Variants in AGO3 observed in about 807,000 individuals in gnomAD.
AGO3 encodes the protein argonaute RISC catalytic component 3.
A neutral mutation model predicts 105.5 loss-of-function variants in AGO3; 16 were observed. The ratio of observed to expected loss-of-function variants is 0.15; its 90% CI spans 0.10 to 0.23. AGO3 has a LOEUF of 0.23. Among genes scored for constraint, AGO3 ranks in the 10% least tolerant of loss-of-function variants. The pLI is 1.00. For missense variants in AGO3, 534 were observed against 1,088.0 expected (o/e 0.49, Z 7.16); for synonymous variants, 340 against 367.3 (o/e 0.93, Z 0.85).
chr1:36,055,906 G>A lies in AGO3; in HGVS notation c.*161G>A. The A allele has an allele frequency of 1.6e-6, 1 of 608,552 alleles. No homozygotes were observed. Among genetic ancestry groups the A allele is most frequent in the East Asian group, 2.8e-5 (1 of 35,182 alleles). 37.7% of individuals were successfully genotyped at this position (608,552 alleles called of 1,614,324 possible). On this transcript the variant is annotated 3_prime_UTR_variant, in exon 19 of 19. Transcript: ENST00000373191. This position sits in a 1 kb window ranked among gnomAD's most constrained non-coding sequence, Gnocchi z 4.4. The stretch of plus-strand genomic sequence containing the variant: ...TCCTTATGTTAATACAAGGAAGATT[G>A]TTTACTTCATCAAGGAACACAGCAT...
chr1:35,995,879 T>C (rs975821204), intron 5 of AGO3, among the ~76,000 whole-genome samples: 1 of 152,158 alleles, frequency 6.6e-6, no homozygotes, highest in South Asian at 2.1e-4. Context: ...GGTTTTACCA[T>C]GTTGGCCAGG....
intron 5 of AGO3, among the ~76,000 whole-genome samples, chr1:35,999,248 G>A (rs528457880): frequency 1.3e-5 from 2 of 152,224 alleles, no homozygotes; most frequent in African/African-American, 4.8e-5. Context: ...GCTGAGGCAG[G>A]AGAATAGTTT....
rs1643115887 is a variant in AGO3, at chr1:36,067,957, A to G, written c.*12212A>G. Reference sequence around the variant, plus strand: ...TGCCACAAGCTATAGCTTGATTAATATTTTAGCATGTTTTCCATGTTTGTA... The same window carrying G: ...TGCCACAAGCTATAGCTTGATTAATGTTTTAGCATGTTTTCCATGTTTGTA... On this transcript the variant is annotated 3_prime_UTR_variant, in exon 19 of 19. Coordinates refer to ENST00000373191, the MANE Select transcript of AGO3 (RefSeq NM_024852.4). 6.6e-6 allele frequency: 1 copy of G among 152,216 alleles called. No individual in the cohort carries two copies. The highest frequency in any genetic ancestry group is 2.1e-4 in the South Asian group (1 of 4,834). The allele number at this position is 152,216 out of a possible 1,614,324, so 9.4% of individuals were successfully genotyped here.
chr1:36,049,259 C>A (rs1642601173), intron 17 of AGO3, among the ~76,000 whole-genome samples: 1 of 152,140 alleles, frequency 6.6e-6, no homozygotes, highest in Non-Finnish European at 1.5e-5. Flanking sequence ...GTGGCTCACG[C>A]CTGTAATCCC....
At chr1:35,979,662 A>G (rs937842221) in intron 5 of AGO3, among the ~76,000 whole-genome samples, 1 of 151,996 alleles carries the variant, frequency 6.6e-6, no homozygotes, top group Non-Finnish European at 1.5e-5. Flanking sequence ...GAATGTTGCT[A>G]CTGTATTAGG....
intron 1 of AGO3, 113 bp downstream of exon 1, chr1:35,931,558 G>A (rs1646048312): frequency 8.7e-7 from 1 of 1,149,854 alleles, no homozygotes; most frequent in Non-Finnish European, 1.1e-6. Flanking sequence ...GGCGGGCATC[G>A]CTCGGTCTCC....
chr1:36,054,353 G>A lies in AGO3; in HGVS notation c.2275-593G>A, dbSNP rs544252779. Among the ~76,000 whole-genome samples, 4 of 151,972 alleles carry A rather than the reference G, an allele frequency of 2.6e-5. No homozygotes were observed. The South Asian group carries it at 6.2e-4, about 24-fold the overall frequency. ...AATGATGGGATCATAGTTCACTGCA[G>A]CCTTGACCTCCTGGGCTCAAGTGAT... On this transcript the variant is annotated intron_variant, in intron 17 of 18. Transcript: ENST00000373191.
At chr1:35,969,221 G>A (rs1024950657) in intron 3 of AGO3, among the ~76,000 whole-genome samples, 4 of 151,914 alleles carry the variant, frequency 2.6e-5, no homozygotes, top group African/African-American at 9.7e-5. Flanking sequence ...ATTAACTTCT[G>A]TATTCTGGAT....
rs192594583 is a variant in AGO3, at chr1:36,029,944, C to T, written c.1591+2646C>T. Among the ~76,000 whole-genome samples the T allele has an allele frequency of 7.9e-5, 12 of 152,058 alleles. No homozygotes were observed. The South Asian group carries it at 1.7e-3, about 21-fold the overall frequency. On this transcript the variant is annotated intron_variant, in intron 12 of 18. Coordinates refer to ENST00000373191, the MANE Select transcript of AGO3 (RefSeq NM_024852.4). ...CTGACCTCAGGTGATCTGCCCACCCCAGCCTCCCAAAGTGCTGGGATTACA... is the reference window on the plus strand; with the variant it reads ...CTGACCTCAGGTGATCTGCCCACCCTAGCCTCCCAAAGTGCTGGGATTACA...
chr1:35,984,269 A>T (rs1647119164), intron 5 of AGO3, among the ~76,000 whole-genome samples: 1 of 152,190 alleles, frequency 6.6e-6, no homozygotes, highest in South Asian at 2.1e-4. Context: ...CAGGAGTTGC[A>T]GGCTGCAGTG....
In AGO3 at chr1:36,027,813, AG is replaced by A. The variant is rs1299481583; in HGVS notation, c.1591+517del. ...AAAAAAGGGTTTCAGTAGTGAAAAG[AG>A]GCATTACATAACAATGGCTAAAGAA... On this transcript the variant is annotated intron_variant, in intron 12 of 18. Transcript: ENST00000373191. This position sits in a 1 kb window ranked among gnomAD's most constrained non-coding sequence, Gnocchi z 4.0. Among the ~76,000 whole-genome samples, 1 of 152,060 alleles carries A rather than the reference AG, an allele frequency of 6.6e-6. No individual in the cohort carries two copies. The highest frequency in any genetic ancestry group is 1.5e-5 in the Non-Finnish European group (1 of 68,002).
Position 36,043,508 on chromosome 1 carries a change from A to C in AGO3, c.2234A>C (p.Tyr745Ser). 1 of 1,613,864 alleles carries C rather than the reference A, an allele frequency of 6.2e-7. No individual in the cohort carries two copies. The highest frequency in any genetic ancestry group is 1.1e-5 in the South Asian group (1 of 91,018). The change falls in exon 17 of 19, where the codon TAT becomes TCT. Residue 745 changes from tyrosine (Y) to serine (S), a missense_variant. Physicochemically the swap from Tyr to Ser is moderately radical, Grantham distance 144. Transcript: ENST00000373191. ...TTVDTDITHP[Y>S]EFDFYLCSHA... ...GTTGATACAGACATTACACACCCATATGAGTTCGATTTTTACCTCTGTAGC... is the reference window on the plus strand; with the variant it reads ...GTTGATACAGACATTACACACCCATCTGAGTTCGATTTTTACCTCTGTAGC...
At chr1:36,030,620 G>T (rs1641731246) in intron 12 of AGO3, among the ~76,000 whole-genome samples, 2 of 152,052 alleles carry the variant, frequency 1.3e-5, no homozygotes, top group Non-Finnish European at 2.9e-5. Context: ...TGAGTATGCA[G>T]TGTATTAATA....
At chr1:36,024,730 C>T (rs1004507752) in intron 11 of AGO3, among the ~76,000 whole-genome samples, 5 of 152,106 alleles carry the variant, frequency 3.3e-5, no homozygotes, top group African/African-American at 1.2e-4. Flanking sequence ...GTCATCCAGG[C>T]TGGAGTGCAA....
intron 2 of AGO3, among the ~76,000 whole-genome samples, chr1:35,947,850 A>G (rs1646395901): frequency 6.6e-6 from 1 of 152,138 alleles, no homozygotes; most frequent in Non-Finnish European, 1.5e-5. Context: ...TCATTAATGT[A>G]TAGATTTGAG....
chr1:36,006,463 G>A (rs1404586440), intron 6 of AGO3, among the ~76,000 whole-genome samples: 1 of 151,900 alleles, frequency 6.6e-6, no homozygotes, highest in East Asian at 1.9e-4. Flanking sequence ...AAGCTTTATA[G>A]GCTTGGAGAA....
chr1:35,931,110 G>C lies in AGO3; in HGVS notation c.-317G>C, dbSNP rs1389297996. 5.1e-6 allele frequency: 2 copies of C among 394,162 alleles called. No individual in the cohort carries two copies. Among genetic ancestry groups the C allele is most frequent in the African/African-American group, 2.1e-5 (1 of 48,430 alleles). The allele number at this position is 394,162 out of a possible 1,614,324, so 24.4% of individuals were successfully genotyped here. ...CTTCCGGGGCGGCCCCGGGCAGGTCGGCGGCGGCGGCCCGCAGTCGTGGAG... is the reference window on the plus strand; with the variant it reads ...CTTCCGGGGCGGCCCCGGGCAGGTCCGCGGCGGCGGCCCGCAGTCGTGGAG... On this transcript the variant is annotated 5_prime_UTR_variant, in exon 1 of 19. Transcript: ENST00000373191.
At chr1:36,036,655 A>T (rs1642022011) in intron 14 of AGO3, among the ~76,000 whole-genome samples, 1 of 152,162 alleles carries the variant, frequency 6.6e-6, no homozygotes, top group African/African-American at 2.4e-5. Context: ...TCCCACCTTC[A>T]TCCAGGTCAA....
intron 17 of AGO3, among the ~76,000 whole-genome samples, chr1:36,046,023 CT>C (rs1642454688): frequency 6.6e-6 from 1 of 152,164 alleles, no homozygotes; most frequent in African/African-American, 2.4e-5. Flanking sequence ...GAACTTCTCC[CT>C]GCAGTGAACA....
Sources: gnomAD v4.1 joint callset for allele counts (sites outside exome capture counted in the v4.1 genomes callset) on GRCh38, gnomAD v4.1.1 for gene constraint, Gnocchi (gnomAD v3.1) non-coding constraint, MANE v1.5 for transcripts, NCBI Gene and HGNC (gene_info 2026-07-23, HGNC 2026-07-21) for gene names.